TTC34: variants seen among roughly 807,000 people sequenced by gnomAD.
TTC34 encodes the protein tetratricopeptide repeat protein 34.
A neutral mutation model predicts 40.7 loss-of-function variants in TTC34; 44 were observed. The observed-to-expected ratio is 1.08, with a 90% confidence interval of 0.85 to 1.39. The LOEUF is 1.39. Ranked by LOEUF, TTC34 falls within the 40% of genes most tolerant of loss-of-function variation. TTC34 has a pLI of 0.00. For missense variants in TTC34, 884 were observed against 838.0 expected (o/e 1.05, Z -0.68); for synonymous variants, 422 against 398.6 (o/e 1.06, Z -0.70).
In TTC34 at chr1:2,777,869, G is replaced by T. The variant is rs144753537; in HGVS notation, c.2226+5740C>A. Among the ~76,000 whole-genome samples the T allele has an allele frequency of 2.3e-3, 347 of 152,296 alleles. 1 individual carries two copies. Among genetic ancestry groups the T allele is most frequent in the African/African-American group, 8.0e-3 (331 of 41,546 alleles). On this transcript the variant is annotated intron_variant, in intron 6 of 8. Coordinates refer to ENST00000401095, the Ensembl canonical transcript of TTC34. The stretch of plus-strand genomic sequence containing the variant: ...GCGGGAGGAGGGGACAGGATCCTGT[G>T]GTACCCCTTGGAGGAGGTTCCGGCA...
chr1:2,693,299 C>A, intron 6 of TTC34, among the ~76,000 whole-genome samples: 1 of 139,542 alleles, frequency 7.2e-6, no homozygotes, highest in South Asian at 2.2e-4. Context: ...TGGAACTGCA[C>A]CCCCATGCCC....
intron 6 of TTC34, among the ~76,000 whole-genome samples, chr1:2,695,135 C>CCT (rs1640803329): frequency 9.0e-6 from 1 of 111,592 alleles, no homozygotes; most frequent in Non-Finnish European, 2.0e-5. Context: ...CATCTGACAG[C>CCT]GTGGAACAGC....
intron 6 of TTC34, among the ~76,000 whole-genome samples, chr1:2,779,392 C>T (rs1029362653): frequency 6.6e-6 from 1 of 152,010 alleles, no homozygotes; most frequent in Non-Finnish European, 1.5e-5. Context: ...GGCAGGATCT[C>T]AGCTCACTGC....
chr1:2,791,731 A>T (rs1314350102), intron 2 of TTC34, among the ~76,000 whole-genome samples: 5 of 151,984 alleles, frequency 3.3e-5, no homozygotes, highest in Non-Finnish European at 7.4e-5. Context: ...GATCCGAGGG[A>T]GCTGCAGCCA....
At chr1:2,682,136 A>T (rs1243786397) in intron 6 of TTC34, among the ~76,000 whole-genome samples, 1 of 143,034 alleles carries the variant, frequency 7.0e-6, no homozygotes, top group East Asian at 2.0e-4. Context: ...AGCCTGGAAC[A>T]GCACCCTGCA....
chr1:2,783,580 C>T, intron 6 of TTC34, 29 bp downstream of exon 6: 2 of 1,351,162 alleles, frequency 1.5e-6, no homozygotes, highest in Non-Finnish European at 1.9e-6. Flanking sequence ...CCGTGCTTGC[C>T]CAGGCCCAGG....
intron 6 of TTC34, among the ~76,000 whole-genome samples, 160 bp downstream of exon 6, chr1:2,783,449 T>C (rs1017031504): frequency 2.0e-4 from 30 of 152,314 alleles, no homozygotes; most frequent in African/African-American, 7.0e-4. Flanking sequence ...CCGGCTCCCA[T>C]GAGCCGCTGT....
chr1:2,693,509 C>A (rs868342093), intron 6 of TTC34, among the ~76,000 whole-genome samples: 4 of 103,790 alleles, frequency 3.9e-5, no homozygotes, highest in Admixed American at 9.6e-5. Flanking sequence ...ACCCACACCC[C>A]CAGGCGAGCA....
At chr1:2,750,245 CA>C in intron 6 of TTC34, among the ~76,000 whole-genome samples, 1 of 140,568 alleles carries the variant, frequency 7.1e-6, no homozygotes, top group East Asian at 2.2e-4. Flanking sequence ...CACCCACACC[CA>C]CAGGTGGGCA....
At chr1:2,662,591 AC>A (rs1639589585) in intron 6 of TTC34, among the ~76,000 whole-genome samples, 2 of 44,790 alleles carry the variant, frequency 4.5e-5, no homozygotes, top group Non-Finnish European at 1.1e-4. Flanking sequence ...CCGGAGCAGG[AC>A]CCATACCTCC....
At chr1:2,755,607 G>T (rs1641477686) in intron 6 of TTC34, among the ~76,000 whole-genome samples, 1 of 124,676 alleles carries the variant, frequency 8.0e-6, no homozygotes. Context: ...CCGACAGCCT[G>T]GAGCAGCACC....
chr1:2,687,498 A>G (rs1267527011), intron 6 of TTC34, among the ~76,000 whole-genome samples: 3 of 147,448 alleles, frequency 2.0e-5, no homozygotes, highest in Admixed American at 2.0e-4. Context: ...TCAGGCGAGC[A>G]TCTGACATCC....
chr1:2,762,016 G>T (rs1275664639), intron 6 of TTC34, among the ~76,000 whole-genome samples: 10 of 52,270 alleles, frequency 1.9e-4, no homozygotes, highest in Non-Finnish European at 3.2e-4. Context: ...CACACCCCCA[G>T]GTGAGCATGT....
At chr1:2,687,215 G>T (rs537861754) in intron 6 of TTC34, among the ~76,000 whole-genome samples, 1 of 146,504 alleles carries the variant, frequency 6.8e-6, no homozygotes, top group East Asian at 2.0e-4. Context: ...CTCCCGGCGA[G>T]CATCCGACAG....
chr1:2,750,063 C>T (rs1446953857), intron 6 of TTC34, among the ~76,000 whole-genome samples: 1 of 104,346 alleles, frequency 9.6e-6, no homozygotes, highest in Non-Finnish European at 1.8e-5. Context: ...GAGCATCTGA[C>T]AGCCTGGAGC....
chr1:2,687,468 C>T (rs548193225), intron 6 of TTC34, among the ~76,000 whole-genome samples: 1 of 146,862 alleles, frequency 6.8e-6, no homozygotes, highest in East Asian at 2.0e-4. Flanking sequence ...ATCCGACAGC[C>T]TGGAACAGCA....
chr1:2,787,790 G>T, intron 3 of TTC34, 84 bp from the exon 4 acceptor site: 1 of 1,201,358 alleles, frequency 8.3e-7, no homozygotes, highest in Non-Finnish European at 1.1e-6. Context: ...GGGAAATCCC[G>T]TCTCCATGTA....
chr1:2,687,096 A>T (rs575826337), intron 6 of TTC34, among the ~76,000 whole-genome samples: 245 of 140,120 alleles, frequency 1.7e-3, no homozygotes, highest in Non-Finnish European at 2.6e-3. Context: ...CCAGGTGAAC[A>T]TCCGACATCG....
Position 2,747,950 on chromosome 1 carries a change from C to G in TTC34, c.2226+35659G>C. ...GTGAGCATCTGACATCGTGGAGCAG[C>G]ACCCCACACCCATAGGTGAGCATCT... On this transcript the variant is annotated intron_variant, in intron 6 of 8. Coordinates refer to ENST00000401095, the Ensembl canonical transcript of TTC34. Among the ~76,000 whole-genome samples, 2 of 69,792 alleles carry G rather than the reference C, an allele frequency of 2.9e-5. 1 individual carries two copies. Among genetic ancestry groups the G allele is most frequent in the Non-Finnish European group, 4.9e-5 (2 of 40,608 alleles). 45.8% of individuals were successfully genotyped at this position (69,792 alleles called of 152,430 possible).
Sources: allele counts gnomAD v4.1 joint callset (sites outside exome capture counted in the v4.1 genomes callset), GRCh38; gene constraint gnomAD v4.1.1; transcripts MANE v1.5; gene names NCBI Gene and HGNC (gene_info 2026-07-23, HGNC 2026-07-21).